CAPZB: variants seen among roughly 807,000 people sequenced by gnomAD.
The protein encoded by CAPZB is F-actin-capping protein subunit beta.
CAPZB carries 2 observed loss-of-function variants against 38.1 expected under a neutral mutation model. The observed-to-expected ratio is 0.05, with a 90% CI of 0.02 to 0.17. The LOEUF (loss-of-function observed/expected upper bound fraction) is 0.17. CAPZB is among the 10% of genes least tolerant of loss of function. The pLI is 1.00. For synonymous variants in CAPZB, 107 were observed against 127.4 expected (o/e 0.84, Z 1.08); for missense variants, 161 against 334.2 (o/e 0.48, Z 4.04).
intron 8 of CAPZB, chr1:19,342,607 A>G: frequency 1.6e-6 from 1 of 641,320 alleles, no homozygotes; most frequent in South Asian, 1.7e-5. Flanking sequence ...CTACACGGGA[A>G]TGTGGCTGTG....
chr1:19,429,679 A>G (rs888236316), intron 1 of CAPZB, among the ~76,000 whole-genome samples: 2 of 152,186 alleles, frequency 1.3e-5, no homozygotes, highest in African/African-American at 4.8e-5. Context: ...ACTTTTACAT[A>G]ACATTTTTTA....
intron 1 of CAPZB, among the ~76,000 whole-genome samples, chr1:19,436,480 T>G (rs2094458535): frequency 6.6e-6 from 1 of 152,156 alleles, no homozygotes. Flanking sequence ...TTTCTCAATT[T>G]AATAAAGGAA....
intron 2 of CAPZB, among the ~76,000 whole-genome samples, chr1:19,390,190 G>A (rs563299296): frequency 6.6e-6 from 1 of 152,336 alleles, no homozygotes; most frequent in East Asian, 1.9e-4. Flanking sequence ...CTCATGTCGA[G>A]TGCTTAGAGC....
chr1:19,454,496 G>A (rs553146508), intron 1 of CAPZB, among the ~76,000 whole-genome samples: 4 of 152,304 alleles, frequency 2.6e-5, no homozygotes, highest in Admixed American at 6.5e-5. Flanking sequence ...ACTCCTGAGC[G>A]CTTAGAGTAG....
chr1:19,484,007 C>G (rs542208494), intron 1 of CAPZB, among the ~76,000 whole-genome samples: 2 of 152,348 alleles, frequency 1.3e-5, no homozygotes, highest in South Asian at 4.1e-4. Flanking sequence ...AAGAAGTTCT[C>G]TGGCCCTTCC....
rs1202701586 is a variant in CAPZB, at chr1:19,339,291, C to G, written c.*239G>C. The G allele has an allele frequency of 1.3e-5, 7 of 524,610 alleles. No individual in the cohort carries two copies. The highest frequency in any genetic ancestry group is 2.4e-5 in the Non-Finnish European group (7 of 295,026). The allele number at this position is 524,610 out of a possible 1,614,324, so 32.5% of individuals were successfully genotyped here. On this transcript the variant is annotated 3_prime_UTR_variant, in exon 9 of 9. Transcript: ENST00000264202. ...GGGGCCCGGGTGAACAAAAACCACA[C>G]GGTCTCTATGGAAATGTGGAGAGAA...
intron 2 of CAPZB, among the ~76,000 whole-genome samples, chr1:19,409,322 C>T (rs1570173326): frequency 6.6e-6 from 1 of 152,082 alleles, no homozygotes; most frequent in South Asian, 2.1e-4. Flanking sequence ...TAGAAAGTCA[C>T]GAAATGTGCA....
At chr1:19,342,976 G>T in intron 8 of CAPZB, 2 of 728,072 alleles carry the variant, frequency 2.7e-6, no homozygotes, top group East Asian at 5.2e-5. Flanking sequence ...CGAGGCGGAA[G>T]GGGGGATGCC....
At chr1:19,405,726 C>G (rs1410796403) in intron 2 of CAPZB, among the ~76,000 whole-genome samples, 3 of 152,170 alleles carry the variant, frequency 2.0e-5, no homozygotes, top group Non-Finnish European at 4.4e-5. Flanking sequence ...TAAATCTCTT[C>G]TGCATTTGGC....
chr1:19,407,322 A>G (rs995007404), intron 2 of CAPZB, among the ~76,000 whole-genome samples: 1 of 152,208 alleles, frequency 6.6e-6, no homozygotes, highest in Non-Finnish European at 1.5e-5. Flanking sequence ...AGCTGCTAAA[A>G]TAGCCTCCCC....
chr1:19,396,786 CAAAAAAA>C (rs35949767), intron 2 of CAPZB, among the ~76,000 whole-genome samples: 2 of 121,428 alleles, frequency 1.6e-5, no homozygotes, highest in East Asian at 2.3e-4. Context: ...AATAAAAATA[CAAAAAAA>C]AAAAAAAAAA....
At chr1:19,367,714 G>A (rs961071729) in intron 4 of CAPZB, among the ~76,000 whole-genome samples, 4 of 152,194 alleles carry the variant, frequency 2.6e-5, no homozygotes, top group African/African-American at 9.6e-5. Context: ...AATCAGCTTA[G>A]GCATGTGCGA....
chr1:19,410,745 A>G (rs2094353884), intron 2 of CAPZB, among the ~76,000 whole-genome samples: 1 of 152,314 alleles, frequency 6.6e-6, no homozygotes, highest in East Asian at 1.9e-4. Context: ...TTTCACTTTT[A>G]AAAGATTATT....
chr1:19,384,022 C>G (rs1332039039), intron 3 of CAPZB, among the ~76,000 whole-genome samples: 1 of 152,158 alleles, frequency 6.6e-6, no homozygotes, highest in African/African-American at 2.4e-5. Flanking sequence ...CCATTTAAAG[C>G]CAGGAAAGGG....
chr1:19,484,786 A>C, intron 1 of CAPZB: 8 of 886,344 alleles, frequency 9.0e-6, no homozygotes, highest in Non-Finnish European at 1.1e-5. Flanking sequence ...GAAGGGGATC[A>C]TGGTGGGGAG....
intron 2 of CAPZB, among the ~76,000 whole-genome samples, chr1:19,409,257 C>T (rs916057341): frequency 2.0e-5 from 3 of 152,048 alleles, no homozygotes; most frequent in Non-Finnish European, 2.9e-5. Flanking sequence ...CCCAGTCAAT[C>T]GCTGCCCTTT....
intron 8 of CAPZB, among the ~76,000 whole-genome samples, chr1:19,343,336 G>A (rs889185486): frequency 1.3e-5 from 2 of 152,192 alleles, no homozygotes; most frequent in African/African-American, 2.4e-5. Flanking sequence ...GAAATCTGTC[G>A]CCCACCCCAG....
chr1:19,365,259 C>T (rs2094077148), intron 4 of CAPZB, among the ~76,000 whole-genome samples: 1 of 152,190 alleles, frequency 6.6e-6, no homozygotes, highest in Non-Finnish European at 1.5e-5. Context: ...AGATCACTCT[C>T]GTAGACATGG....
At chr1:19,433,478 G>C (rs1045812220) in intron 1 of CAPZB, among the ~76,000 whole-genome samples, 1 of 152,322 alleles carries the variant, frequency 6.6e-6, no homozygotes, top group South Asian at 2.1e-4. Context: ...AGATGGCCTA[G>C]ATGAAATCTA....
Sources: allele counts gnomAD v4.1 joint callset (sites outside exome capture counted in the v4.1 genomes callset), GRCh38; gene constraint gnomAD v4.1.1; transcripts MANE v1.5; gene names NCBI Gene and HGNC (gene_info 2026-07-23, HGNC 2026-07-21).